Variants in HS3ST3B1 observed in about 807,000 individuals in gnomAD.
HS3ST3B1 encodes the protein heparan sulfate glucosamine 3-O-sulfotransferase 3B1.
HS3ST3B1 carries 13 observed loss-of-function variants against 21.3 expected under a neutral mutation model. That is an observed-to-expected ratio of 0.61 (90% CI 0.40 to 0.97). The LOEUF (loss-of-function observed/expected upper bound fraction) is 0.97, where lower values mean the gene tolerates loss of function less well. HS3ST3B1 is among the 50% of genes least tolerant of loss of function. The pLI, the probability that HS3ST3B1 is intolerant of heterozygous loss-of-function variation, is 0.00. For synonymous variants in HS3ST3B1, 234 were observed against 254.8 expected (o/e 0.92, Z 0.78); for missense variants, 459 against 554.8 (o/e 0.83, Z 1.73).
chr17:14,316,740 G>A (rs561905785), intron 1 of HS3ST3B1, among the ~76,000 whole-genome samples: 1 of 152,292 alleles, frequency 6.6e-6, no homozygotes, highest in African/African-American at 2.4e-5. Flanking sequence ...GTGTGGCCAA[G>A]GGGAACACTG....
intron 1 of HS3ST3B1, among the ~76,000 whole-genome samples, chr17:14,314,211 T>C (rs1326597278): frequency 6.9e-6 from 1 of 144,134 alleles, no homozygotes; most frequent in African/African-American, 2.5e-5. Context: ...ACTCCTGACC[T>C]CAGGTGATCC....
chr17:14,340,623 C>T (rs1409431100), intron 1 of HS3ST3B1, among the ~76,000 whole-genome samples: 1 of 152,108 alleles, frequency 6.6e-6, no homozygotes, highest in African/African-American at 2.4e-5. Context: ...CACTCTGTTG[C>T]CCAGGATGGA....
intron 1 of HS3ST3B1, among the ~76,000 whole-genome samples, chr17:14,320,553 TC>T (rs1221818972): frequency 6.6e-6 from 1 of 152,188 alleles, no homozygotes; most frequent in Non-Finnish European, 1.5e-5. Flanking sequence ...TATTTTTTTT[TC>T]TTTTTCAAGT....
intron 1 of HS3ST3B1, among the ~76,000 whole-genome samples, chr17:14,302,734 C>T (rs1034242829): frequency 3.3e-5 from 5 of 152,062 alleles, no homozygotes; most frequent in African/African-American, 1.2e-4. Flanking sequence ...CTGTGCTGGT[C>T]CCTGTCGGGC....
chr17:14,313,503 ACAC>A (rs1909398290), intron 1 of HS3ST3B1, among the ~76,000 whole-genome samples: 1 of 152,168 alleles, frequency 6.6e-6, no homozygotes, highest in Non-Finnish European at 1.5e-5. Flanking sequence ...CTGTATATGA[ACAC>A]CACTCTCTTA....
In HS3ST3B1 at chr17:14,325,805, T is replaced by C. The variant is rs183038041; in HGVS notation, c.555-19223T>C. 5.3e-5 allele frequency among the ~76,000 whole-genome samples: 8 copies of C among 152,358 alleles called. No homozygotes were observed. The South Asian group carries it at 6.2e-4, about 12-fold the overall frequency. ...GCTCCCTGACGCCTAACAAAAGATT[T>C]TGATGCCGCCAACCTCCTACATTTT... On this transcript the variant is annotated intron_variant, in intron 1 of 1. Coordinates refer to ENST00000360954, the MANE Select transcript of HS3ST3B1 (RefSeq NM_006041.3).
At chr17:14,317,644 A>C (rs568108681) in intron 1 of HS3ST3B1, among the ~76,000 whole-genome samples, 1 of 152,140 alleles carries the variant, frequency 6.6e-6, no homozygotes, top group East Asian at 1.9e-4. Context: ...CCAGAGAAGC[A>C]CAGAAGAGCA....
chr17:14,302,054 A>G lies in HS3ST3B1; in HGVS notation c.536A>G (p.Lys179Arg). 1.2e-6 allele frequency: 2 copies of G among 1,604,018 alleles called. No homozygotes were observed. Among genetic ancestry groups the G allele is most frequent in the Non-Finnish European group, 1.7e-6 (2 of 1,178,758 alleles). The change falls in exon 1 of 2, where the codon AAG becomes AGG. Residue 179 changes from lysine to arginine, a missense_variant. By Grantham distance (26) the Lys-to-Arg change is conservative (BLOSUM62 2). Around this residue, in one of 3 missense-constraint regions of HS3ST3B1, gnomAD observed 317 missense variants for 278.6 expected, o/e 1.14. Transcript: ENST00000360954. ...EPHFFDRSYDKGLAWYRDLMP... is the reference protein window; with the variant it reads ...EPHFFDRSYDRGLAWYRDLMP... ...CATTTCTTCGATCGCAGCTACGACAAGGGCCTCGCTTGGTACCGGTGAGTT... is the reference window on the plus strand; with the variant it reads ...CATTTCTTCGATCGCAGCTACGACAGGGGCCTCGCTTGGTACCGGTGAGTT...
At chr17:14,317,601 A>T (rs1366672674) in intron 1 of HS3ST3B1, among the ~76,000 whole-genome samples, 1 of 152,148 alleles carries the variant, frequency 6.6e-6, no homozygotes, top group East Asian at 1.9e-4. Context: ...TGATCAGAAT[A>T]TTCAGGGCTG....
chr17:14,301,700 T>C lies in HS3ST3B1; in HGVS notation c.182T>C (p.Leu61Pro). 1 of 1,601,642 alleles carries C rather than the reference T, an allele frequency of 6.2e-7. No homozygotes were observed. Among genetic ancestry groups the C allele is most frequent in the East Asian group, 2.3e-5 (1 of 43,852 alleles). ...GGCTCCTGCGCCGCCGCGCCGGGGCTGCTGCTCCTGGGCTCTGGGTCCCGC... is the reference window on the plus strand; with the variant it reads ...GGCTCCTGCGCCGCCGCGCCGGGGCCGCTGCTCCTGGGCTCTGGGTCCCGC... ...CAGSCAAAPG[L>P]LLLGSGSRAA... The change falls in exon 1 of 2, where the codon CTG becomes CCG. Residue 61 changes from leucine (L) to proline (P), a missense_variant. This residue lies in a region of HS3ST3B1 where 317 missense variants were observed against 278.6 expected (regional missense o/e 1.14). Transcript: ENST00000360954.
intron 1 of HS3ST3B1, among the ~76,000 whole-genome samples, chr17:14,331,225 C>A (rs1010765245): frequency 1.3e-5 from 2 of 152,076 alleles, no homozygotes; most frequent in East Asian, 3.8e-4. Context: ...TTGTAAGGTC[C>A]TGTAAACAGG....
chr17:14,339,830 A>G (rs1910315160), intron 1 of HS3ST3B1, among the ~76,000 whole-genome samples: 1 of 152,162 alleles, frequency 6.6e-6, no homozygotes, highest in African/African-American at 2.4e-5. Flanking sequence ...CACAGATTCC[A>G]TGTGAGGGGG....
At chr17:14,332,183 G>A (rs1460039858) in intron 1 of HS3ST3B1, among the ~76,000 whole-genome samples, 9 of 152,102 alleles carry the variant, frequency 5.9e-5, no homozygotes, top group Non-Finnish European at 1.3e-4. Flanking sequence ...GATGTATAAG[G>A]TCATGTAGAA....
chr17:14,325,151 C>T (rs980910139), intron 1 of HS3ST3B1, among the ~76,000 whole-genome samples: 14 of 152,308 alleles, frequency 9.2e-5, no homozygotes, highest in African/African-American at 2.6e-4. Context: ...GGTATTAAGC[C>T]GAGGGGCTGG....
rs75880448 is a variant in HS3ST3B1 at position 14,314,734 on chromosome 17, G to A, written c.554+12662G>A. Among the ~76,000 whole-genome samples the A allele has an allele frequency of 0.016, 2,509 of 152,252 alleles. 108 individuals are homozygous for A. In the East Asian group the frequency reaches 0.17, roughly 11 times the overall value. On this transcript the variant is annotated intron_variant, in intron 1 of 1. Transcript: ENST00000360954. ...CCCTGGGCTTGTGAATGGGGGAATC[G>A]TCTCTCCTTCCGACATTCTGCCCTC...
At chr17:14,329,213 T>A (rs1909903077) in intron 1 of HS3ST3B1, 1 of 152,052 alleles carries the variant, frequency 6.6e-6, no homozygotes, top group Non-Finnish European at 1.5e-5. Flanking sequence ...TTGCTTCTTT[T>A]TAGCAGCCTC....
intron 1 of HS3ST3B1, chr17:14,327,903 T>C (rs1438014671): frequency 1.3e-5 from 2 of 152,220 alleles, no homozygotes; most frequent in Non-Finnish European, 2.9e-5. Context: ...TTAAAGATTT[T>C]GTTTTTGGAA....
At chr17:14,334,099 T>G (rs1910112279) in intron 1 of HS3ST3B1, among the ~76,000 whole-genome samples, 1 of 151,468 alleles carries the variant, frequency 6.6e-6, no homozygotes, top group Non-Finnish European at 1.5e-5. Flanking sequence ...TGATCAGCTA[T>G]GGAGGATGGG....
intron 1 of HS3ST3B1, among the ~76,000 whole-genome samples, chr17:14,343,934 T>G (rs1000679831): frequency 6.6e-6 from 1 of 151,572 alleles, no homozygotes; most frequent in Non-Finnish European, 1.5e-5. Context: ...TTCCCTCTTG[T>G]TGCCCAGGCT....
Sources: gnomAD v4.1 joint callset for allele counts (sites outside exome capture counted in the v4.1 genomes callset) on GRCh38, gnomAD v4.1.1 for gene constraint, gnomAD v4.1.1 regional missense constraint, MANE v1.5 for transcripts, NCBI Gene and HGNC (gene_info 2026-07-23, HGNC 2026-07-21) for gene names.